Variants in TRMT11 observed in about 807,000 individuals in gnomAD.
TRMT11 encodes tRNA methyltransferase 11, also known as tRNA (guanine(10)-N(2))-methyltransferase TRMT11.
Under a neutral mutation model 62.8 loss-of-function variants are expected in TRMT11, and 53 were observed. The ratio of observed to expected loss-of-function variants is 0.84; its 90% confidence interval spans 0.68 to 1.06. TRMT11 has a LOEUF of 1.06. Ranked by LOEUF, TRMT11 falls within the 50% of genes least tolerant of loss-of-function variation. The pLI, the probability that TRMT11 is intolerant of heterozygous loss-of-function variation, is 0.00. For synonymous variants in TRMT11, 188 were observed against 190.3 expected, an observed-to-expected ratio of 0.99 and a Z score of 0.10; for missense variants, 556 against 553.4, an observed-to-expected ratio of 1.00 and a Z score of -0.05.
Position 126,038,796 on chromosome 6 carries a change from C to A in TRMT11, c.1352C>A (p.Thr451Lys). ...SFREKYFSGV[T>K]KRIAKEEKST... ...CGTGAGAAATATTTTAGTGGGGTAA[C>A]AAAAAGAATTGCCAAGGAAGAAAAA... The change falls in exon 13 of 13, where the codon ACA (threonine) becomes AAA (lysine). Residue 451 changes from threonine (T) to lysine (K), a missense_variant. Thr to Lys is a moderately conservative substitution (Grantham distance 78). Transcript: ENST00000334379. 6.2e-7 allele frequency: 1 copy of A among 1,600,546 alleles called. No individual in the cohort carries two copies. Among genetic ancestry groups the A allele is most frequent in the Non-Finnish European group, 8.5e-7 (1 of 1,174,504 alleles).
the TRMT11 span, among the ~76,000 whole-genome samples, chr6:126,264,157 A>C: frequency 6.6e-6 from 1 of 152,170 alleles, no homozygotes; most frequent in Non-Finnish European, 1.5e-5. Context: ...CACCATTAAG[A>C]TATAGTCCAT....
the TRMT11 span, among the ~76,000 whole-genome samples, chr6:126,248,401 GC>G: frequency 6.6e-6 from 1 of 151,988 alleles, no homozygotes; most frequent in Admixed American, 6.5e-5. Context: ...AGGAAAAGAT[GC>G]TTTGTATTGT....
At chr6:126,120,107 C>G (rs1045660883) in intron 21 of TRMT11, among the ~76,000 whole-genome samples, 2 of 151,904 alleles carry the variant, frequency 1.3e-5, no homozygotes, top group South Asian at 4.2e-4. Context: ...AATTTCATCA[C>G]TACTAAAAAT....
the TRMT11 span, chr6:126,258,419 C>T: frequency 6.0e-6 from 2 of 331,870 alleles, no homozygotes; most frequent in Non-Finnish European, 1.2e-5. Flanking sequence ...TGGTGGCTGG[C>T]CCGGGTTAGC....
At chr6:126,207,857 C>T (rs1439402114), downstream of TRMT11, among the ~76,000 whole-genome samples, 2 of 152,098 alleles carry the variant, frequency 1.3e-5, no homozygotes, top group Non-Finnish European at 2.9e-5. Flanking sequence ...AGACAAAATG[C>T]ACAAAGTGAA....
At chr6:126,042,328 A>G (rs1775904284), downstream of TRMT11, among the ~76,000 whole-genome samples, 1 of 152,186 alleles carries the variant, frequency 6.6e-6, no homozygotes, top group African/African-American at 2.4e-5. Flanking sequence ...TGACATTTAG[A>G]CATAACTGAG....
the TRMT11 span, among the ~76,000 whole-genome samples, chr6:126,240,141 G>C: frequency 6.6e-6 from 1 of 152,086 alleles, no homozygotes; most frequent in South Asian, 2.1e-4. Context: ...TAACTTCTTT[G>C]CCGTGGGTTC....
upstream of TRMT11, among the ~76,000 whole-genome samples, chr6:126,175,015 G>C (rs569001695): frequency 6.6e-6 from 1 of 152,288 alleles, no homozygotes; most frequent in East Asian, 1.9e-4. Flanking sequence ...GTGCAAAGTT[G>C]CTGCAGCTTT....
chr6:126,013,406 G>A (rs111266285), intron 11 of TRMT11, among the ~76,000 whole-genome samples: 27 of 152,064 alleles, frequency 1.8e-4, no homozygotes, highest in African/African-American at 5.8e-4. Flanking sequence ...ACAGGCATGC[G>A]TCACCATGCT....
At chr6:126,151,927 C>CTTTCTTTCTTTCTTTCTTTCTTTT (rs1778059688) in intron 21 of TRMT11, among the ~76,000 whole-genome samples, 1 of 92,168 alleles carries the variant, frequency 1.1e-5, no homozygotes, top group Non-Finnish European at 2.1e-5. Context: ...TTCTTTCTTT[C>CTTTCTTTCTTTCTTTCTTTCTTTT]TTTCTTTCTT....
At chr6:126,256,848 C>G in the TRMT11 span, among the ~76,000 whole-genome samples, 8 of 151,838 alleles carry the variant, frequency 5.3e-5, no homozygotes, top group Admixed American at 3.9e-4. Context: ...TAAAAGGTAG[C>G]CTGTGTTTTT....
At chr6:126,008,559 A>G (rs1583690148) in intron 8 of TRMT11, 87 bp downstream of exon 8, 2 of 1,131,580 alleles carry the variant, frequency 1.8e-6, no homozygotes, top group Non-Finnish European at 1.3e-6. Flanking sequence ...GAAGAACACA[A>G]GTTTGAATTG....
At chr6:126,005,548 G>T (rs188621723) in intron 7 of TRMT11, among the ~76,000 whole-genome samples, 1 of 151,872 alleles carries the variant, frequency 6.6e-6, no homozygotes, top group Non-Finnish European at 1.5e-5. Flanking sequence ...ATTACTTTTT[G>T]ATTATTATTT....
At chr6:126,120,796 A>G (rs1777641009) in intron 21 of TRMT11, among the ~76,000 whole-genome samples, 1 of 152,108 alleles carries the variant, frequency 6.6e-6, no homozygotes, top group African/African-American at 2.4e-5. Flanking sequence ...AAGCAAAGGA[A>G]GCCTGTGGAA....
chr6:126,007,449 T>C (rs1793528548), intron 7 of TRMT11, among the ~76,000 whole-genome samples: 2 of 152,022 alleles, frequency 1.3e-5, no homozygotes, highest in African/African-American at 4.8e-5. Flanking sequence ...TATTTATGAT[T>C]TCAGCTTGAC....
chr6:126,036,212 A>G (rs1234563445), intron 12 of TRMT11, among the ~76,000 whole-genome samples: 1 of 152,146 alleles, frequency 6.6e-6, no homozygotes, highest in African/African-American at 2.4e-5. Flanking sequence ...TACAGAGGAA[A>G]GTGAGATGTC....
chr6:126,130,067 G>C (rs1419534001), intron 21 of TRMT11, among the ~76,000 whole-genome samples: 2 of 152,072 alleles, frequency 1.3e-5, no homozygotes, highest in African/African-American at 2.4e-5. Context: ...GGAGCATGAT[G>C]AATGTTACAC....
chr6:126,009,658 TTTAGTAACATTTA>T (rs1459253591), intron 8 of TRMT11, among the ~76,000 whole-genome samples: 2 of 152,042 alleles, frequency 1.3e-5, no homozygotes, highest in Non-Finnish European at 2.9e-5. Flanking sequence ...CTGTAAAGAA[TTTAGTAACATTTA>T]TTAGGAAAAT....
At chr6:126,090,181 C>T (rs1166896420) in intron 17 of TRMT11, among the ~76,000 whole-genome samples, 1 of 152,218 alleles carries the variant, frequency 6.6e-6, no homozygotes, top group Admixed American at 6.5e-5. Flanking sequence ...TTATCACTTG[C>T]TCTTTTACAG....
Sources: gnomAD v4.1 joint callset for allele counts (sites outside exome capture counted in the v4.1 genomes callset) on GRCh38, gnomAD v4.1.1 for gene constraint, MANE v1.5 for transcripts, NCBI Gene and HGNC (gene_info 2026-07-23, HGNC 2026-07-21) for gene names.